Variants in RGS6 observed in about 807,000 individuals in gnomAD.
RGS6 encodes the protein regulator of G-protein signaling 6.
In RGS6, 30 loss-of-function variants were observed where a neutral mutation model predicts 78.5. The observed-to-expected ratio is 0.38, with a 90% CI of 0.29 to 0.52. The LOEUF (loss-of-function observed/expected upper bound fraction) is 0.52. RGS6 is among the 20% of genes least tolerant of loss of function. The probability of loss-of-function intolerance (pLI) is 0.85; values close to 1 mark genes in which losing one functional copy is unlikely to be tolerated. For missense variants in RGS6, 495 were observed against 609.7 expected (o/e 0.81, Z 1.98); for synonymous variants, 206 against 206.0 (o/e 1.00, Z 0.00).
At chr14:72,418,732 T>G (rs2093991163) in intron 3 of RGS6, among the ~76,000 whole-genome samples, 1 of 152,208 alleles carries the variant, frequency 6.6e-6, no homozygotes, top group Admixed American at 6.5e-5. Context: ...TCTTCATTCC[T>G]TTTTCTTTCT....
intron 2 of RGS6, among the ~76,000 whole-genome samples, chr14:72,052,171 G>A (rs981150606): frequency 1.3e-5 from 2 of 152,064 alleles, no homozygotes; most frequent in African/African-American, 4.8e-5. Context: ...AGTACATCTT[G>A]TTTATCCCCC....
intron 2 of RGS6, among the ~76,000 whole-genome samples, chr14:72,218,803 G>C (rs1346535576): frequency 6.6e-6 from 1 of 151,980 alleles, no homozygotes; most frequent in African/African-American, 2.4e-5. Flanking sequence ...GTAGAGATGG[G>C]GTTTCACGAT....
chr14:72,040,376 T>A (rs2092283263), intron 2 of RGS6, among the ~76,000 whole-genome samples: 2 of 152,080 alleles, frequency 1.3e-5, no homozygotes, highest in Admixed American at 1.3e-4. Flanking sequence ...GACAGCTTTT[T>A]TGGCCATGGT....
chr14:72,562,791 T>C lies in RGS6; in HGVS notation c.*324T>C. 4.8e-6 allele frequency: 7 copies of C among 1,465,380 alleles called. No homozygotes were observed. Among genetic ancestry groups the C allele is most frequent in the Non-Finnish European group, 6.5e-6 (7 of 1,082,442 alleles). The allele number at this position is 1,465,380 out of a possible 1,614,324, so 90.8% of individuals were successfully genotyped here. A position where few individuals can be genotyped will look rare whatever the true frequency, so the allele number is the denominator to read the frequency against. On this transcript the variant is annotated 3_prime_UTR_variant, in exon 18 of 18. Coordinates refer to ENST00000553525, the MANE Select transcript of RGS6 (RefSeq NM_001204424.2). The stretch of plus-strand genomic sequence containing the variant: ...GGGAGAACACGTCGTGGGGTTCCTG[T>C]CACGACTATCACTTGAGATTATATT...
chr14:71,888,657 GAA>G, the RGS6 span, among the ~76,000 whole-genome samples: 4 of 142,862 alleles, frequency 2.8e-5, no homozygotes, highest in South Asian at 4.5e-4. Context: ...TCATTCAAGA[GAA>G]AAAAAAAAAT....
chr14:72,553,474 C>G (rs535380367), intron 17 of RGS6: 1 of 152,604 alleles, frequency 6.6e-6, no homozygotes, highest in Non-Finnish European at 1.5e-5. Flanking sequence ...GCCCACCACT[C>G]CTGTTCTCAT....
intron 3 of RGS6, among the ~76,000 whole-genome samples, chr14:72,426,195 A>G (rs2094429526): frequency 6.6e-6 from 1 of 152,182 alleles, no homozygotes; most frequent in South Asian, 2.1e-4. Flanking sequence ...GAGTTCATGT[A>G]TATTAAGCCC....
rs528211762 is a variant in RGS6, at chr14:72,110,811, G to C, written c.84+145936G>C. Among the ~76,000 whole-genome samples the C allele has an allele frequency of 3.9e-5, 6 of 152,288 alleles. No homozygotes were observed. In the East Asian group the frequency reaches 1.2e-3, roughly 29 times the overall value. ...CAGACAAGTGTCACAAGGACCATGAGAGTCTGGGGAGCCTGGGACATTGCC... is the reference window on the plus strand; with the variant it reads ...CAGACAAGTGTCACAAGGACCATGACAGTCTGGGGAGCCTGGGACATTGCC... On this transcript the variant is annotated intron_variant, in intron 2 of 17. Coordinates refer to ENST00000553525, the MANE Select transcript of RGS6 (RefSeq NM_001204424.2).
intron 2 of RGS6, among the ~76,000 whole-genome samples, chr14:72,141,116 A>G (rs906696704): frequency 6.6e-6 from 1 of 152,224 alleles, no homozygotes; most frequent in Non-Finnish European, 1.5e-5. Flanking sequence ...GTAGGCATCC[A>G]GAGACTTGGT....
chr14:72,116,185 A>G (rs1473897535), intron 2 of RGS6, among the ~76,000 whole-genome samples: 1 of 152,196 alleles, frequency 6.6e-6, no homozygotes, highest in Non-Finnish European at 1.5e-5. Context: ...AAATATTGAC[A>G]TAGGATGATC....
At chr14:71,971,871 C>A (rs866173730) in intron 2 of RGS6, among the ~76,000 whole-genome samples, 2 of 144,884 alleles carry the variant, frequency 1.4e-5, no homozygotes, top group Non-Finnish European at 3.0e-5. Context: ...ATTTATGACA[C>A]GTGTCTCTCC....
At chr14:72,023,946 G>A (rs181974269) in intron 2 of RGS6, among the ~76,000 whole-genome samples, 2 of 152,168 alleles carry the variant, frequency 1.3e-5, no homozygotes, top group Non-Finnish European at 2.9e-5. Context: ...CCTTGCTCTC[G>A]TTTCTGGGGG....
At chr14:72,538,427 G>T (rs193267150) in intron 16 of RGS6, among the ~76,000 whole-genome samples, 6 of 152,332 alleles carry the variant, frequency 3.9e-5, no homozygotes, top group Non-Finnish European at 5.9e-5. Context: ...AGGTTCTCAG[G>T]GGGTAGGTGA....
At chr14:72,079,126 G>T (rs1243927067) in intron 2 of RGS6, among the ~76,000 whole-genome samples, 8 of 151,304 alleles carry the variant, frequency 5.3e-5, no homozygotes, top group Non-Finnish European at 1.2e-4. Flanking sequence ...CCAAACCCAT[G>T]AATTCTCCCT....
the RGS6 span, among the ~76,000 whole-genome samples, chr14:71,886,430 A>G: frequency 2.6e-5 from 4 of 152,352 alleles, no homozygotes; most frequent in South Asian, 4.1e-4. Context: ...GAATGAATAT[A>G]TGAGTGAGTT....
At chr14:72,391,918 G>A (rs538612355) in intron 3 of RGS6, among the ~76,000 whole-genome samples, 2 of 152,308 alleles carry the variant, frequency 1.3e-5, no homozygotes, top group Non-Finnish European at 2.9e-5. Context: ...TCCCTGCAAA[G>A]GGAATGAACT....
At position 72,562,810 on chromosome 14, in the gene RGS6, TTA is replaced by T; in HGVS notation, c.*347_*348del. ...TTCCTGTCACGACTATCACTTGAGA[TTA>T]TATTATTATCCTCACTCCCTCGCTG... On this transcript the variant is annotated 3_prime_UTR_variant, in exon 18 of 18. Transcript: ENST00000553525. 7.0e-7 allele frequency: 1 copy of T among 1,422,900 alleles called. No homozygotes were observed. Among genetic ancestry groups the T allele is most frequent in the Non-Finnish European group, 9.6e-7 (1 of 1,043,792 alleles). 88.1% of individuals were successfully genotyped at this position (1,422,900 alleles called of 1,614,324 possible).
At chr14:72,289,298 G>GCATT (rs1047442825) in intron 2 of RGS6, among the ~76,000 whole-genome samples, 3 of 151,570 alleles carry the variant, frequency 2.0e-5, no homozygotes, top group African/African-American at 2.4e-5. Context: ...TACAAAGTTA[G>GCATT]CATTCATTCA....
At chr14:72,234,208 C>A (rs1055455706) in intron 2 of RGS6, among the ~76,000 whole-genome samples, 4 of 151,874 alleles carry the variant, frequency 2.6e-5, no homozygotes, top group African/African-American at 9.7e-5. Flanking sequence ...TTAAGACAGG[C>A]TCATCTCTTG....
Sources: allele counts gnomAD v4.1 joint callset (sites outside exome capture counted in the v4.1 genomes callset), GRCh38; gene constraint gnomAD v4.1.1; transcripts MANE v1.5; gene names NCBI Gene and HGNC (gene_info 2026-07-23, HGNC 2026-07-21).